The following POFUT2 variants were observed in gnomAD, a reference collection of about 807,000 sequenced individuals.
POFUT2 encodes GDP-fucose protein O-fucosyltransferase 2.
A neutral mutation model predicts 55.0 loss-of-function variants in POFUT2; 30 were observed. The ratio of observed to expected loss-of-function variants is 0.55; its 90% CI spans 0.41 to 0.74. The LOEUF (loss-of-function observed/expected upper bound fraction) is 0.74, where lower values mean the gene tolerates loss of function less well. Among genes scored for constraint, POFUT2 ranks in the 30% least tolerant of loss-of-function variants. The probability of loss-of-function intolerance (pLI) is 0.00; values close to 1 mark genes in which losing one functional copy is unlikely to be tolerated. For synonymous variants in POFUT2, 267 were observed against 231.1 expected (o/e 1.16, Z -1.41); for missense variants, 524 against 562.6 (o/e 0.93, Z 0.69).
rs2093166491 is a variant in POFUT2, at chr21:45,267,440, C to T, written c.1136+150G>A. On this transcript the variant is annotated intron_variant, in intron 8 of 8. Transcript: ENST00000349485. This position sits in a 1 kb window ranked among gnomAD's most constrained non-coding sequence, Gnocchi z 4.4. ...GCCCAGGGAAACACTGAACCAGATG[C>T]TACAGGAGACTCAGACGAGGAGGCA... 6.2e-7 allele frequency: 1 copy of T among 1,613,690 alleles called. No individual in the cohort carries two copies. The highest frequency in any genetic ancestry group is 8.5e-7 in the Non-Finnish European group (1 of 1,179,688).
chr21:45,270,079 G>A lies in POFUT2; in HGVS notation c.832-60C>T. 1.7e-5 allele frequency: 24 copies of A among 1,393,398 alleles called. No individual in the cohort carries two copies. The allele number at this position is 1,393,398 out of a possible 1,614,324, so 86.3% of individuals were successfully genotyped here. ...CAGGCGGGCTCGGGGCTCATCCTGG[G>A]CACCGGGTGGGACTCGAGACGCAGA... On this transcript the variant is annotated intron_variant, in intron 6 of 8. Transcript: ENST00000349485. This position sits in a 1 kb window ranked among gnomAD's most constrained non-coding sequence, Gnocchi z 4.6.
In POFUT2 at chr21:45,277,361, C is replaced by A; in HGVS notation, c.706-219G>T. 1 of 571,474 alleles carries A rather than the reference C, an allele frequency of 1.7e-6. No homozygotes were observed. Among genetic ancestry groups the A allele is most frequent in the Non-Finnish European group, 3.0e-6 (1 of 330,950 alleles). The allele number at this position is 571,474 out of a possible 1,614,324, so 35.4% of individuals were successfully genotyped here. On this transcript the variant is annotated intron_variant, in intron 5 of 8. Coordinates refer to ENST00000349485, the MANE Select transcript of POFUT2 (RefSeq NM_133635.6). This position sits in a 1 kb window ranked among gnomAD's most constrained non-coding sequence, Gnocchi z 6.9. Reference sequence around the variant, plus strand: ...CGCAGGGCAAGCCGCCCACCCCTGCCGGCTCTGCCAGCCCCTGCCGTGGGA... The same window carrying A: ...CGCAGGGCAAGCCGCCCACCCCTGCAGGCTCTGCCAGCCCCTGCCGTGGGA...
chr21:45,271,511 C>G (rs1026626481), intron 6 of POFUT2, among the ~76,000 whole-genome samples: 4 of 152,148 alleles, frequency 2.6e-5, no homozygotes, highest in Admixed American at 6.5e-5. Context: ...CCTGGTCTTG[C>G]TAGAGATCTA....
rs369360071 is a variant in POFUT2 at position 45,277,147 on chromosome 21, G to T, written c.706-5C>A. 6.2e-7 allele frequency: 1 copy of T among 1,612,466 alleles called. No homozygotes were observed. Among genetic ancestry groups the T allele is most frequent in the Non-Finnish European group, 8.5e-7 (1 of 1,179,742 alleles). ...AAACACCATGCTGCGACGGGTCTGT[G>T]GAAACGGCGACGGCTCGGCTGAGAA... On this transcript the variant is annotated splice_region_variant and splice_polypyrimidine_tract_variant and intron_variant, in intron 5 of 8. Coordinates refer to ENST00000349485, the MANE Select transcript of POFUT2 (RefSeq NM_133635.6). This position sits in a 1 kb window ranked among gnomAD's most constrained non-coding sequence, Gnocchi z 6.9.
At chr21:45,279,299 A>G (rs1302586827) in intron 4 of POFUT2, among the ~76,000 whole-genome samples, 13 of 152,166 alleles carry the variant, frequency 8.5e-5, no homozygotes, top group African/African-American at 3.1e-4. Context: ...GGAGGCTGAG[A>G]CAGGAGAATC....
At chr21:45,286,658 A>T (rs1262559436) in intron 1 of POFUT2, among the ~76,000 whole-genome samples, 3 of 152,096 alleles carry the variant, frequency 2.0e-5, no homozygotes, top group Non-Finnish European at 4.4e-5. Context: ...GAGGAAGGAC[A>T]CAAAGCGCCC....
rs750835342 is a variant in POFUT2, at chr21:45,269,825, T to C, written c.1012+14A>G. On this transcript the variant is annotated intron_variant, in intron 7 of 8. Coordinates refer to ENST00000349485, the MANE Select transcript of POFUT2 (RefSeq NM_133635.6). The stretch of plus-strand genomic sequence containing the variant: ...AAAAGAAAGGAAAGAAACGAAAGCA[T>C]TGAAGCTCCATACCCTTTCTGACGG... The C allele has an allele frequency of 1.5e-5, 24 of 1,587,576 alleles. 1 individual carries two copies. In the South Asian group the frequency reaches 1.8e-4, roughly 12 times the overall value.
intron 8 of POFUT2, chr21:45,266,942 G>T: frequency 9.8e-7 from 1 of 1,019,002 alleles, no homozygotes; most frequent in African/African-American, 1.7e-5. Context: ...GTCTTTGGAG[G>T]AACAGAGGCC....
At chr21:45,286,977 G>A (rs2031484696) in intron 1 of POFUT2, among the ~76,000 whole-genome samples, 1 of 152,136 alleles carries the variant, frequency 6.6e-6, no homozygotes, top group South Asian at 2.1e-4. Context: ...CCCAGGCCTG[G>A]ACCCGTGTCA....
chr21:45,286,730 C>CT (rs2031451061), intron 1 of POFUT2, among the ~76,000 whole-genome samples: 1 of 152,258 alleles, frequency 6.6e-6, no homozygotes, highest in Non-Finnish European at 1.5e-5. Flanking sequence ...AACCCTGTCC[C>CT]TGGCGCTCTC....
At chr21:45,266,439 C>T (rs1387937792) in intron 8 of POFUT2, 3 of 1,162,840 alleles carry the variant, frequency 2.6e-6, no homozygotes, top group Non-Finnish European at 2.2e-6. Context: ...TGAGCTGGGC[C>T]GAGCGCTTCG....
chr21:45,272,670 TA>T (rs894561133), intron 6 of POFUT2, among the ~76,000 whole-genome samples: 2 of 152,140 alleles, frequency 1.3e-5, no homozygotes, highest in African/African-American at 4.8e-5. Context: ...CAAGCCTCAA[TA>T]AATTTAAGAA....
chr21:45,270,097 G>T lies in POFUT2; in HGVS notation c.832-78C>A, dbSNP rs2093205815. 2 of 1,188,526 alleles carry T rather than the reference G, an allele frequency of 1.7e-6. No individual in the cohort carries two copies. Among genetic ancestry groups the T allele is most frequent in the Non-Finnish European group, 1.1e-6 (1 of 879,618 alleles). 73.6% of individuals were successfully genotyped at this position (1,188,526 alleles called of 1,614,324 possible). ...ATCCTGGGCACCGGGTGGGACTCGA[G>T]ACGCAGAGGGATGACCCTTTCCATG... On this transcript the variant is annotated intron_variant, in intron 6 of 8. Transcript: ENST00000349485. The surrounding 1 kb of genome is among the most constrained non-coding windows in gnomAD (Gnocchi z 4.6).
intron 8 of POFUT2, chr21:45,266,790 A>G (rs2093158868): frequency 1.0e-6 from 1 of 997,924 alleles, no homozygotes; most frequent in African/African-American, 1.7e-5. Context: ...GGCAGGAGAG[A>G]GACAGACTAA....
rs747313125 is a variant in POFUT2 at position 45,282,272 on chromosome 21, G to A, written c.638+77C>T. On this transcript the variant is annotated intron_variant, in intron 4 of 8. Coordinates refer to ENST00000349485, the MANE Select transcript of POFUT2 (RefSeq NM_133635.6). This position sits in a 1 kb window ranked among gnomAD's most constrained non-coding sequence, Gnocchi z 4.6. ...GGGCCAGGGATGCGGGAGTATGGGC[G>A]GAGAGCCCCCAGCCCAGCATGCACG... 1.1e-5 allele frequency: 10 copies of A among 942,630 alleles called. No homozygotes were observed. Among genetic ancestry groups the A allele is most frequent in the African/African-American group, 4.9e-5 (3 of 61,166 alleles). 58.4% of individuals were successfully genotyped at this position (942,630 alleles called of 1,614,324 possible).
In POFUT2 at chr21:45,270,265, A is replaced by G. The variant is rs1272527443; in HGVS notation, c.832-246T>C. Among the ~76,000 whole-genome samples, 5 of 152,222 alleles carry G rather than the reference A, an allele frequency of 3.3e-5. No individual in the cohort carries two copies. On this transcript the variant is annotated intron_variant, in intron 6 of 8. Coordinates refer to ENST00000349485, the MANE Select transcript of POFUT2 (RefSeq NM_133635.6). The surrounding 1 kb of genome is among the most constrained non-coding windows in gnomAD (Gnocchi z 4.6). Reference sequence around the variant, plus strand: ...TATCTGAGGTAAAGAAAAATATTTAAAAAGAGAACAGCATGTGGAGGCTCA... The same window carrying G: ...TATCTGAGGTAAAGAAAAATATTTAGAAAGAGAACAGCATGTGGAGGCTCA...
chr21:45,267,589 C>T lies in POFUT2; in HGVS notation c.1136+1G>A. The T allele has an allele frequency of 6.2e-7, 1 of 1,614,202 alleles. No individual in the cohort carries two copies. Among genetic ancestry groups the T allele is most frequent in the Non-Finnish European group, 8.5e-7 (1 of 1,180,048 alleles). The stretch of plus-strand genomic sequence containing the variant: ...CGGCCGACAGTGACGTGGGCAGGCA[C>T]CTGGCGTGTGCGCAGATCCACTGGT... On this transcript the variant is annotated splice_donor_variant, in intron 8 of 8. Transcript: ENST00000349485. LOFTEE classifies it high-confidence loss of function. The surrounding 1 kb of genome is among the most constrained non-coding windows in gnomAD (Gnocchi z 4.4).
Position 45,282,827 on chromosome 21 carries a change from C to T in POFUT2, c.528-368G>A, listed in dbSNP as rs1296094562. The T allele has an allele frequency of 2.1e-6, 1 of 486,620 alleles. No homozygotes were observed. The highest frequency in any genetic ancestry group is 1.5e-5 in the South Asian group (1 of 64,680). The allele number at this position is 486,620 out of a possible 1,614,324, so 30.1% of individuals were successfully genotyped here. ...ACCTGCCATGCTTTAGAGCCAGCTG[C>T]CCTGGCACTGGACACATGGAGGCTG... On this transcript the variant is annotated intron_variant, in intron 3 of 8. Transcript: ENST00000349485. The surrounding 1 kb of genome is among the most constrained non-coding windows in gnomAD (Gnocchi z 4.6).
Position 45,283,308 on chromosome 21 carries a change from CGGGG to C in POFUT2, c.527+71_527+74del. 2.7e-5 allele frequency: 12 copies of C among 442,158 alleles called. 1 individual carries two copies. Among genetic ancestry groups the C allele is most frequent in the South Asian group, 2.5e-4 (10 of 39,694 alleles). The allele number at this position is 442,158 out of a possible 1,614,324, so 27.4% of individuals were successfully genotyped here. A position where few individuals can be genotyped will look rare whatever the true frequency, so the allele number is the denominator to read the frequency against. On this transcript the variant is annotated intron_variant, in intron 3 of 8. Coordinates refer to ENST00000349485, the MANE Select transcript of POFUT2 (RefSeq NM_133635.6). ...AGGAGTGGGCGGGGGGCGCCTGAGG[CGGGG>C]GGGGGGGGACGCATGCGGCAGGGGG...
Sources: gnomAD v4.1 joint callset for allele counts (sites outside exome capture counted in the v4.1 genomes callset) on GRCh38, gnomAD v4.1.1 for gene constraint, Gnocchi (gnomAD v3.1) non-coding constraint, MANE v1.5 for transcripts, NCBI Gene and HGNC (gene_info 2026-07-23, HGNC 2026-07-21) for gene names.